Variants in HPSE2 observed in about 807,000 individuals in gnomAD.
HPSE2 encodes the protein heparanase 2 (inactive).
HPSE2 carries 38 observed loss-of-function variants against 60.5 expected under a neutral mutation model. The observed-to-expected ratio is 0.63, with a 90% CI of 0.48 to 0.82. The LOEUF is 0.82. Among genes scored for constraint, HPSE2 ranks in the 40% least tolerant of loss-of-function variants. The pLI, the probability that HPSE2 is intolerant of heterozygous loss-of-function variation, is 0.00. For synonymous variants in HPSE2, 295 were observed against 293.2 expected, an observed-to-expected ratio of 1.01 and a Z score of -0.06; for missense variants, 713 against 740.4, an observed-to-expected ratio of 0.96 and a Z score of 0.43.
intron 3 of HPSE2, among the ~76,000 whole-genome samples, chr10:99,105,734 T>C (rs1044092071): frequency 1.3e-5 from 2 of 152,118 alleles, no homozygotes; most frequent in Non-Finnish European, 2.9e-5. Flanking sequence ...TATCTTTTAT[T>C]GTAGAAGATT....
chr10:98,793,676 T>A (rs188992678), intron 3 of HPSE2, among the ~76,000 whole-genome samples: 1 of 152,226 alleles, frequency 6.6e-6, no homozygotes, highest in African/African-American at 2.4e-5. Flanking sequence ...TGATAATGTA[T>A]GGAGAACTAC....
At chr10:99,200,186 T>C (rs188480925) in intron 2 of HPSE2, among the ~76,000 whole-genome samples, 1 of 138,062 alleles carries the variant, frequency 7.2e-6, no homozygotes, top group East Asian at 2.7e-4. Context: ...TATTATGTGT[T>C]TTTTTTACCA....
intron 2 of HPSE2, among the ~76,000 whole-genome samples, chr10:99,211,766 C>T (rs1848960045): frequency 6.6e-6 from 1 of 151,984 alleles, no homozygotes; most frequent in Non-Finnish European, 1.5e-5. Flanking sequence ...ATTAGAAGAA[C>T]ACATACAGGA....
chr10:98,902,316 T>C (rs1953689206), intron 3 of HPSE2, among the ~76,000 whole-genome samples: 1 of 152,182 alleles, frequency 6.6e-6, no homozygotes, highest in South Asian at 2.1e-4. Context: ...CTTTCCAAGG[T>C]CCAAACTCAT....
chr10:99,159,512 T>C (rs1317476188), intron 2 of HPSE2, among the ~76,000 whole-genome samples: 3 of 152,194 alleles, frequency 2.0e-5, no homozygotes, highest in African/African-American at 7.2e-5. Flanking sequence ...AATGATTGTA[T>C]GTAAAACTGG....
At chr10:99,048,140 GC>G (rs1957902870) in intron 3 of HPSE2, 1 of 903,132 alleles carries the variant, frequency 1.1e-6, no homozygotes, top group Non-Finnish European at 1.8e-6. Flanking sequence ...GAAGCAAATT[GC>G]TTTGACAGAT....
At chr10:98,745,931 T>TA (rs1949618224) in intron 3 of HPSE2, among the ~76,000 whole-genome samples, 1 of 152,144 alleles carries the variant, frequency 6.6e-6, no homozygotes, top group South Asian at 2.1e-4. Context: ...TTTAGTCCTT[T>TA]AAAAAAGAAC....
intron 6 of HPSE2, among the ~76,000 whole-genome samples, chr10:98,654,867 T>C (rs1390166805): frequency 6.6e-6 from 1 of 152,186 alleles, no homozygotes; most frequent in Admixed American, 6.5e-5. Flanking sequence ...TGGACTGTGT[T>C]TGCTATATCA....
At chr10:99,281,350 T>C in the HPSE2 span, among the ~76,000 whole-genome samples, 1 of 37,810 alleles carries the variant, frequency 2.6e-5, no homozygotes, top group Admixed American at 1.7e-4. Flanking sequence ...TAAAGTGTTA[T>C]ATCGAGAGAT....
At chr10:98,560,425 C>T (rs1944138464) in intron 9 of HPSE2, among the ~76,000 whole-genome samples, 1 of 152,266 alleles carries the variant, frequency 6.6e-6, no homozygotes, top group Non-Finnish European at 1.5e-5. Context: ...GTACATGTCT[C>T]TGCCCTGAGA....
At chr10:98,693,979 A>G in intron 5 of HPSE2, 32 bp from the exon 6 acceptor site, 2 of 1,530,880 alleles carry the variant, frequency 1.3e-6, no homozygotes, top group East Asian at 4.5e-5. Context: ...AAGATATTAC[A>G]ACTTAGATTA....
Position 98,620,727 on chromosome 10 carries a change from C to T in HPSE2, c.1099-19G>A. The T allele has an allele frequency of 1.3e-6, 2 of 1,534,210 alleles. No individual in the cohort carries two copies. The highest frequency in any genetic ancestry group is 1.8e-6 in the Non-Finnish European group (2 of 1,108,664). ...TAACCACCTGTTTACACAACAAAAG[C>T]AGAAGGGGATAACGAGGTTTTAAAA... On this transcript the variant is annotated intron_variant, in intron 7 of 11. Transcript: ENST00000370552.
intron 9 of HPSE2, among the ~76,000 whole-genome samples, chr10:98,552,785 G>T (rs577664624): frequency 2.6e-5 from 4 of 152,192 alleles, no homozygotes; most frequent in Non-Finnish European, 4.4e-5. Context: ...CAGCATCTTA[G>T]ATTTGATGAT....
chr10:99,134,571 T>C (rs1048562922), intron 3 of HPSE2, among the ~76,000 whole-genome samples: 1 of 152,188 alleles, frequency 6.6e-6, no homozygotes, highest in Non-Finnish European at 1.5e-5. Context: ...ATATTCAACA[T>C]TCTTAAAGAA....
intron 11 of HPSE2, among the ~76,000 whole-genome samples, chr10:98,476,413 T>C (rs1941022602): frequency 6.7e-6 from 1 of 149,608 alleles, no homozygotes; most frequent in African/African-American, 2.5e-5. Flanking sequence ...ATGGCACATA[T>C]ATACATATGT....
intron 3 of HPSE2, among the ~76,000 whole-genome samples, chr10:98,996,378 T>C (rs993048156): frequency 3.3e-5 from 5 of 152,176 alleles, no homozygotes; most frequent in Admixed American, 2.0e-4. Context: ...AGAACTTTCA[T>C]ATATTGTTGG....
chr10:99,297,437 A>G, the HPSE2 span, among the ~76,000 whole-genome samples: 1 of 152,346 alleles, frequency 6.6e-6, no homozygotes, highest in Non-Finnish European at 1.5e-5. Context: ...TAGGGAATAA[A>G]GTAACAGCCT....
At chr10:99,082,158 A>G (rs931140117) in intron 3 of HPSE2, among the ~76,000 whole-genome samples, 1 of 152,178 alleles carries the variant, frequency 6.6e-6, no homozygotes, top group Non-Finnish European at 1.5e-5. Flanking sequence ...TGGCAAAGAA[A>G]GGGTAGGGGC....
chr10:99,030,117 T>C lies in HPSE2; in HGVS notation c.610+114121A>G, dbSNP rs188529503. Among the ~76,000 whole-genome samples the C allele has an allele frequency of 2.9e-3, 443 of 152,342 alleles. 1 individual carries two copies. The highest frequency in any genetic ancestry group is 0.01 in the African/African-American group (421 of 41,582). ...GTATGGCCTGGTTTTTCCTAGGTTATGATTATAGAGCGAGGATTATTATAA... is the reference window on the plus strand; with the variant it reads ...GTATGGCCTGGTTTTTCCTAGGTTACGATTATAGAGCGAGGATTATTATAA... On this transcript the variant is annotated intron_variant, in intron 3 of 11. Transcript: ENST00000370552.
Sources: allele counts gnomAD v4.1 joint callset (sites outside exome capture counted in the v4.1 genomes callset), GRCh38; gene constraint gnomAD v4.1.1; transcripts MANE v1.5; gene names NCBI Gene and HGNC (gene_info 2026-07-23, HGNC 2026-07-21).